Variants in CTNNA2 observed in about 807,000 individuals in gnomAD.
CTNNA2 encodes the protein catenin alpha-2.
Under a neutral mutation model 101.0 loss-of-function variants are expected in CTNNA2, and 42 were observed. The observed-to-expected ratio is 0.42, with a 90% confidence interval of 0.32 to 0.54. The LOEUF (loss-of-function observed/expected upper bound fraction) is 0.54. Among genes scored for constraint, CTNNA2 ranks in the 20% least tolerant of loss-of-function variants. The pLI, the probability that CTNNA2 is intolerant of heterozygous loss-of-function variation, is 0.14. For missense variants in CTNNA2, 871 were observed against 1,223.1 expected, an observed-to-expected ratio of 0.71 and a Z score of 4.29; for synonymous variants, 450 against 456.4, an observed-to-expected ratio of 0.99 and a Z score of 0.18.
intron 9 of CTNNA2, among the ~76,000 whole-genome samples, chr2:80,427,802 C>T (rs1428855312): frequency 6.6e-6 from 1 of 152,216 alleles, no homozygotes; most frequent in Non-Finnish European, 1.5e-5. Context: ...CACAATGCTG[C>T]ATTCAGCAAT....
intron 9 of CTNNA2, among the ~76,000 whole-genome samples, chr2:80,486,200 G>A (rs879486541): frequency 6.6e-6 from 1 of 152,106 alleles, no homozygotes; most frequent in Non-Finnish European, 1.5e-5. Context: ...CAATTGCTTA[G>A]GACATGCTAA....
intron 4 of CTNNA2, among the ~76,000 whole-genome samples, chr2:79,473,469 T>A (rs1024913159): frequency 2.0e-5 from 3 of 151,694 alleles, no homozygotes; most frequent in African/African-American, 7.3e-5. Flanking sequence ...CCATATTCAC[T>A]GCCAAAAAAC....
chr2:80,398,447 T>C (rs1271597483), intron 8 of CTNNA2, among the ~76,000 whole-genome samples: 4 of 152,112 alleles, frequency 2.6e-5, no homozygotes, highest in African/African-American at 9.7e-5. Flanking sequence ...CCCTGGAGTT[T>C]GGAGTCTAGG....
intron 2 of CTNNA2, among the ~76,000 whole-genome samples, chr2:79,738,781 AC>A (rs1030185742): frequency 2.0e-5 from 3 of 152,200 alleles, no homozygotes; most frequent in African/African-American, 7.2e-5. Flanking sequence ...AGCAAATTTC[AC>A]TGGGCTGAGA....
intron 7 of CTNNA2, among the ~76,000 whole-genome samples, chr2:80,216,859 A>G (rs186814518): frequency 2.3e-4 from 32 of 138,190 alleles, no homozygotes; most frequent in African/African-American, 6.9e-4. Flanking sequence ...TTTTTTTGAG[A>G]TGAATTCTTG....
At chr2:79,905,510 G>A (rs1179206309) in intron 6 of CTNNA2, among the ~76,000 whole-genome samples, 1 of 152,186 alleles carries the variant, frequency 6.6e-6, no homozygotes, top group South Asian at 2.1e-4. Context: ...GGGAGAGACA[G>A]GAAGGCTTCT....
intron 9 of CTNNA2, among the ~76,000 whole-genome samples, chr2:80,425,604 A>G (rs1286668692): frequency 6.6e-6 from 1 of 152,162 alleles, no homozygotes; most frequent in Admixed American, 6.5e-5. Context: ...TCATTCATAA[A>G]TATGTGAAAT....
chr2:80,140,506 C>T (rs1012725170), intron 7 of CTNNA2, among the ~76,000 whole-genome samples: 1 of 152,158 alleles, frequency 6.6e-6, no homozygotes, highest in Non-Finnish European at 1.5e-5. Flanking sequence ...CCTTCCCACC[C>T]ATCCCTCATT....
At chr2:79,311,294 A>G (rs1404202226) in intron 2 of CTNNA2, among the ~76,000 whole-genome samples, 1 of 151,592 alleles carries the variant, frequency 6.6e-6, no homozygotes, top group Non-Finnish European at 1.5e-5. Context: ...CAGTAGTCCC[A>G]GCTACTCGGG....
At chr2:79,863,217 A>T (rs947171034) in intron 4 of CTNNA2, among the ~76,000 whole-genome samples, 4 of 141,856 alleles carry the variant, frequency 2.8e-5, no homozygotes, top group African/African-American at 1.1e-4. Flanking sequence ...CTCTGAGTTA[A>T]TTATTTAGAT....
intron 7 of CTNNA2, among the ~76,000 whole-genome samples, chr2:80,210,131 T>C (rs896444088): frequency 2.6e-5 from 4 of 152,226 alleles, no homozygotes; most frequent in East Asian, 3.8e-4. Context: ...TATGCAGAGA[T>C]AGTTTTTTAG....
At chr2:79,309,207 T>G (rs1250926117) in intron 2 of CTNNA2, among the ~76,000 whole-genome samples, 1 of 152,188 alleles carries the variant, frequency 6.6e-6, no homozygotes, top group Non-Finnish European at 1.5e-5. Context: ...CTTTTTTATG[T>G]GCATTTTATA....
intron 1 of CTNNA2, among the ~76,000 whole-genome samples, chr2:79,520,944 T>A (rs1041717533): frequency 6.6e-6 from 1 of 151,480 alleles, no homozygotes; most frequent in South Asian, 2.1e-4. Context: ...TACCATACGA[T>A]CCAGAAACTC....
chr2:79,253,137 A>C (rs1354257257), intron 2 of CTNNA2, among the ~76,000 whole-genome samples: 4 of 152,188 alleles, frequency 2.6e-5, no homozygotes, highest in African/African-American at 9.6e-5. Flanking sequence ...AAAGGTGGCT[A>C]GTCAGATGAA....
intron 7 of CTNNA2, among the ~76,000 whole-genome samples, chr2:80,011,323 A>C (rs1186317073): frequency 2.0e-5 from 3 of 152,208 alleles, no homozygotes; most frequent in Non-Finnish European, 2.9e-5. Flanking sequence ...AATCTCAGGC[A>C]GAATCTACGT....
intron 2 of CTNNA2, among the ~76,000 whole-genome samples, chr2:79,682,636 A>G (rs918948347): frequency 7.2e-5 from 11 of 152,276 alleles, no homozygotes; most frequent in Admixed American, 6.5e-4. Context: ...TATAAGGGGG[A>G]AAATTTATAT....
At chr2:80,600,400 T>TA (rs554157591) in intron 15 of CTNNA2, among the ~76,000 whole-genome samples, 127 of 151,432 alleles carry the variant, frequency 8.4e-4, no homozygotes, top group Non-Finnish European at 1.2e-3. Flanking sequence ...TTAAAAACTG[T>TA]AAAAAAAAGA....
At chr2:79,534,448 A>G (rs1370230997) in intron 1 of CTNNA2, among the ~76,000 whole-genome samples, 2 of 152,042 alleles carry the variant, frequency 1.3e-5, no homozygotes, top group African/African-American at 4.8e-5. Context: ...GCAGTACTTA[A>G]TTATATCCAG....
intron 9 of CTNNA2, among the ~76,000 whole-genome samples, chr2:80,492,631 C>T (rs567936907): frequency 6.6e-6 from 1 of 152,264 alleles, no homozygotes; most frequent in Admixed American, 6.5e-5. Flanking sequence ...TCTGTCTTTT[C>T]TTTGTCCTCC....
Sources: allele counts gnomAD v4.1 joint callset (sites outside exome capture counted in the v4.1 genomes callset), GRCh38; gene constraint gnomAD v4.1.1; transcripts MANE v1.5; gene names NCBI Gene and HGNC (gene_info 2026-07-23, HGNC 2026-07-21).